CTNND2: variants seen among roughly 807,000 people sequenced by gnomAD.
CTNND2 encodes catenin delta-2.
CTNND2 carries 22 observed loss-of-function variants against 144.4 expected under a neutral mutation model. The observed-to-expected ratio is 0.15, with a 90% CI of 0.11 to 0.22. The LOEUF (loss-of-function observed/expected upper bound fraction) is 0.22, where lower values mean the gene tolerates loss of function less well. Among genes scored for constraint, CTNND2 ranks in the 10% least tolerant of loss-of-function variants. The probability of loss-of-function intolerance (pLI) is 1.00; values close to 1 mark genes in which losing one functional copy is unlikely to be tolerated. For synonymous variants in CTNND2, 751 were observed against 695.6 expected (o/e 1.08, Z -1.25); for missense variants, 1,353 against 1,618.8 (o/e 0.84, Z 2.82).
intron 1 of CTNND2, among the ~76,000 whole-genome samples, chr5:11,855,247 G>A (rs1392331578): frequency 3.9e-5 from 6 of 152,164 alleles, no homozygotes; most frequent in Non-Finnish European, 7.4e-5. Context: ...ACCAAAGGTC[G>A]GTGGTGAGGT....
chr5:11,674,177 T>C (rs1311552865), intron 2 of CTNND2, among the ~76,000 whole-genome samples: 1 of 152,212 alleles, frequency 6.6e-6, no homozygotes, highest in Non-Finnish European at 1.5e-5. Flanking sequence ...CAGTAGACTT[T>C]AAAGTGAAAC....
intron 1 of CTNND2, among the ~76,000 whole-genome samples, chr5:11,805,712 T>C (rs1307463668): frequency 6.6e-6 from 1 of 151,518 alleles, no homozygotes; most frequent in Non-Finnish European, 1.5e-5. Context: ...AATAAGTAAA[T>C]GGGGAGAAAC....
At chr5:11,248,452 G>C (rs559906704) in intron 9 of CTNND2, among the ~76,000 whole-genome samples, 11 of 152,004 alleles carry the variant, frequency 7.2e-5, no homozygotes, top group Non-Finnish European at 1.5e-4. Context: ...TAGTATGTGT[G>C]TGTTTGTACT....
At chr5:11,014,584 AG>A (rs1210443014) in intron 18 of CTNND2, among the ~76,000 whole-genome samples, 1 of 152,220 alleles carries the variant, frequency 6.6e-6, no homozygotes, top group Non-Finnish European at 1.5e-5. Flanking sequence ...GCTTCACAAA[AG>A]TCAAAGGTTC....
At chr5:11,198,661 G>A (rs1262342522) in intron 11 of CTNND2, among the ~76,000 whole-genome samples, 1 of 152,166 alleles carries the variant, frequency 6.6e-6, no homozygotes, top group African/African-American at 2.4e-5. Flanking sequence ...TTGATGAACT[G>A]AAAACCAAAT....
chr5:11,613,025 T>C (rs1244333857), intron 2 of CTNND2, among the ~76,000 whole-genome samples: 1 of 152,218 alleles, frequency 6.6e-6, no homozygotes. Flanking sequence ...TCCTTGATAG[T>C]GGTATTTATT....
chr5:11,262,982 G>A (rs537441453), intron 9 of CTNND2, among the ~76,000 whole-genome samples: 4 of 152,036 alleles, frequency 2.6e-5, no homozygotes, highest in African/African-American at 7.2e-5. Context: ...GCTCTAGAAC[G>A]AATTTCCGAT....
At chr5:11,406,077 G>A (rs1761079306) in intron 5 of CTNND2, among the ~76,000 whole-genome samples, 1 of 152,014 alleles carries the variant, frequency 6.6e-6, no homozygotes, top group Non-Finnish European at 1.5e-5. Context: ...AACCCAGGAG[G>A]CAGAGGTTAC....
At chr5:11,422,246 A>G (rs1762430734) in intron 3 of CTNND2, among the ~76,000 whole-genome samples, 2 of 152,216 alleles carry the variant, frequency 1.3e-5, no homozygotes, top group African/African-American at 4.8e-5. Flanking sequence ...ATGGAGAAGA[A>G]ACAAAGCAGT....
intron 7 of CTNND2, among the ~76,000 whole-genome samples, chr5:11,376,433 C>T (rs10474920): frequency 0.037 from 5,626 of 151,814 alleles, 327 homozygotes; most frequent in African/African-American, 0.13. Context: ...ATGCCACTAA[C>T]TCTTTCCAAT....
chr5:11,160,666 A>G (rs1251271235), intron 11 of CTNND2, among the ~76,000 whole-genome samples: 2 of 152,226 alleles, frequency 1.3e-5, no homozygotes, highest in African/African-American at 4.8e-5. Flanking sequence ...ATACACCCTG[A>G]ACCTAAACAC....
intron 3 of CTNND2, among the ~76,000 whole-genome samples, chr5:11,471,974 T>C (rs1366492093): frequency 1.3e-5 from 2 of 152,306 alleles, no homozygotes; most frequent in East Asian, 3.9e-4. Flanking sequence ...TCTTCCCTGT[T>C]ACCATATATA....
At chr5:11,469,987 G>A (rs1487050354) in intron 3 of CTNND2, among the ~76,000 whole-genome samples, 2 of 152,072 alleles carry the variant, frequency 1.3e-5, no homozygotes, top group African/African-American at 4.8e-5. Context: ...CATATCCTAT[G>A]ACTCAATACC....
intron 5 of CTNND2, among the ~76,000 whole-genome samples, chr5:11,406,388 C>T (rs1021092244): frequency 6.6e-6 from 1 of 151,992 alleles, no homozygotes; most frequent in Non-Finnish European, 1.5e-5. Context: ...GCCCTTTTTC[C>T]CTGACCATGA....
chr5:11,209,466 G>C (rs1738393874), intron 10 of CTNND2, among the ~76,000 whole-genome samples: 2 of 152,034 alleles, frequency 1.3e-5, no homozygotes, highest in South Asian at 4.1e-4. Flanking sequence ...CACACCTAAA[G>C]GTCTTAGAGA....
At chr5:11,694,511 G>A (rs1360753441) in intron 2 of CTNND2, among the ~76,000 whole-genome samples, 2 of 152,118 alleles carry the variant, frequency 1.3e-5, no homozygotes, top group African/African-American at 2.4e-5. Context: ...AAGGGCATTT[G>A]TTTGCAGAAG....
At chr5:11,819,437 A>G (rs1793196281) in intron 1 of CTNND2, among the ~76,000 whole-genome samples, 1 of 151,898 alleles carries the variant, frequency 6.6e-6, no homozygotes, top group Admixed American at 6.6e-5. Context: ...TCCAAGACAG[A>G]CAGACAGACA....
intron 9 of CTNND2, among the ~76,000 whole-genome samples, chr5:11,292,996 C>T (rs2150018306): frequency 6.6e-6 from 1 of 152,250 alleles, no homozygotes; most frequent in East Asian, 1.9e-4. Context: ...AAGCATCAGC[C>T]AATGTGCTAA....
intron 5 of CTNND2, among the ~76,000 whole-genome samples, chr5:11,404,438 T>C (rs1450185623): frequency 6.6e-6 from 1 of 151,964 alleles, no homozygotes; most frequent in Non-Finnish European, 1.5e-5. Context: ...TTCCTGCCAT[T>C]AATAAGTGGT....
Sources: allele counts gnomAD v4.1 joint callset (sites outside exome capture counted in the v4.1 genomes callset), GRCh38; gene constraint gnomAD v4.1.1; transcripts MANE v1.5; gene names NCBI Gene and HGNC (gene_info 2026-07-23, HGNC 2026-07-21).